The following SERPINB12 variants were observed in gnomAD, a reference collection of about 807,000 sequenced individuals.
The protein encoded by SERPINB12 is serpin family B member 12, also known as serpin B12.
A neutral mutation model predicts 41.1 loss-of-function variants in SERPINB12; 57 were observed. That is an observed-to-expected ratio of 1.39 (90% CI 1.12 to 1.73). The LOEUF is 1.73. Ranked by LOEUF, SERPINB12 falls within the 40% of genes most tolerant of loss-of-function variation. SERPINB12 has a pLI of 0.00. For missense variants in SERPINB12, 536 were observed against 501.9 expected (o/e 1.07, Z -0.65); for synonymous variants, 180 against 181.3 (o/e 0.99, Z 0.06).
At chr18:63,558,331 C>CT in intron 2 of SERPINB12, 21 bp from the exon 3 acceptor site, 1 of 1,605,078 alleles carries the variant, frequency 6.2e-7, no homozygotes, top group Non-Finnish European at 8.5e-7. Flanking sequence ...ATCTGAAAGA[C>CT]CCCATCCCGT....
At chr18:63,563,800 G>A (rs1421386890) in intron 5 of SERPINB12, among the ~76,000 whole-genome samples, 178 bp from the exon 6 acceptor site, 3 of 151,976 alleles carry the variant, frequency 2.0e-5, no homozygotes, top group Admixed American at 1.3e-4. Context: ...GGCGGCTGAG[G>A]CAGGAGAATC....
chr18:63,541,616 A>G (rs138274053), upstream of SERPINB12, among the ~76,000 whole-genome samples: 1 of 152,304 alleles, frequency 6.6e-6, no homozygotes, highest in African/African-American at 2.4e-5. Flanking sequence ...ATGATAGGTA[A>G]TATCTAGTGA....
the SERPINB12 span, among the ~76,000 whole-genome samples, chr18:63,520,814 A>C: frequency 6.6e-6 from 1 of 152,214 alleles, no homozygotes; most frequent in African/African-American, 2.4e-5. Flanking sequence ...AGGCCATTCT[A>C]CAAGACAAAT....
At position 63,565,378 on chromosome 18, in the gene SERPINB12, G is replaced by A. The variant is rs1015442867; in HGVS notation, c.706-67G>A. On this transcript the variant is annotated intron_variant, in intron 6 of 7. Coordinates refer to ENST00000382768, the MANE Select transcript of SERPINB12 (RefSeq NM_001307928.2). ...TTTAGGAACCCCTGTCCTCCGTGAA[G>A]CTGGGGCCATATGAATTTGGGAGTT... The A allele has an allele frequency of 3.4e-6, 5 of 1,462,200 alleles. No individual in the cohort carries two copies. In the Admixed American group the frequency reaches 9.6e-5, roughly 28 times the overall value. 90.6% of individuals were successfully genotyped at this position (1,462,200 alleles called of 1,614,324 possible).
rs1267666946 is a variant in SERPINB12, at chr18:63,567,294, T to G, written c.*283T>G. 1.3e-5 allele frequency among the ~76,000 whole-genome samples: 2 copies of G among 152,164 alleles called. No homozygotes were observed. Among genetic ancestry groups the G allele is most frequent in the African/African-American group, 4.8e-5 (2 of 41,432 alleles). ...ACAATTCAGAACAGTACCTACCTCCTTTTGAAGGAATCCTAAAAGTTCAGG... is the reference window on the plus strand; with the variant it reads ...ACAATTCAGAACAGTACCTACCTCCGTTTGAAGGAATCCTAAAAGTTCAGG... On this transcript the variant is annotated 3_prime_UTR_variant, in exon 8 of 8. Coordinates refer to ENST00000382768, the MANE Select transcript of SERPINB12 (RefSeq NM_001307928.2).
At chr18:63,560,176 G>A (rs1486902959) in intron 4 of SERPINB12, among the ~76,000 whole-genome samples, 1 of 152,160 alleles carries the variant, frequency 6.6e-6, no homozygotes, top group Non-Finnish European at 1.5e-5. Context: ...GAGTGGGGTA[G>A]CAGGAGGAGA....
At position 63,556,465 on chromosome 18, in the gene SERPINB12, T is replaced by C. The variant is rs151091872; in HGVS notation, c.168+138T>C. 7.3e-5 allele frequency: 45 copies of C among 616,026 alleles called. No homozygotes were observed. In the African/African-American group the frequency reaches 7.9e-4, roughly 11 times the overall value. 38.2% of individuals were successfully genotyped at this position (616,026 alleles called of 1,614,324 possible). A position where few individuals can be genotyped will look rare whatever the true frequency, so the allele number is the denominator to read the frequency against. On this transcript the variant is annotated intron_variant, in intron 2 of 7. Transcript: ENST00000382768. The stretch of plus-strand genomic sequence containing the variant: ...CAGAACCCATCCCTGTCTCTGAGTC[T>C]TTATTTGTATTTTCTCCATCTTACT...
chr18:63,534,039 A>G, the SERPINB12 span, among the ~76,000 whole-genome samples: 1 of 152,342 alleles, frequency 6.6e-6, no homozygotes, highest in East Asian at 1.9e-4. Flanking sequence ...TGAAATCACA[A>G]TGACACATCC....
At chr18:63,561,396 G>A (rs533014829) in intron 5 of SERPINB12, among the ~76,000 whole-genome samples, 194 bp downstream of exon 5, 3 of 152,130 alleles carry the variant, frequency 2.0e-5, no homozygotes, top group African/African-American at 4.8e-5. Context: ...GTTAAAAAAC[G>A]ACAGATTCTG....
chr18:63,539,961 TG>T (rs1910242601), upstream of SERPINB12, among the ~76,000 whole-genome samples: 1 of 152,006 alleles, frequency 6.6e-6, no homozygotes, highest in South Asian at 2.1e-4. Context: ...GAATTGCAAT[TG>T]GGTGCTAGAG....
the SERPINB12 span, among the ~76,000 whole-genome samples, chr18:63,519,266 C>A: frequency 1.3e-5 from 2 of 152,160 alleles, no homozygotes; most frequent in African/African-American, 2.4e-5. Context: ...ACAGGGACCA[C>A]CCTAGTTTAG....
At chr18:63,559,226 T>C (rs1910816073) in intron 3 of SERPINB12, among the ~76,000 whole-genome samples, 1 of 151,874 alleles carries the variant, frequency 6.6e-6, no homozygotes, top group South Asian at 2.1e-4. Context: ...TGCCTCAGCC[T>C]CCAGAGTAGC....
the SERPINB12 span, among the ~76,000 whole-genome samples, chr18:63,527,624 G>T: frequency 1.3e-5 from 2 of 152,056 alleles, no homozygotes; most frequent in Admixed American, 1.3e-4. Context: ...GAAGTTTAAG[G>T]GTTTTAGTGG....
chr18:63,551,133 G>T (rs1910516624), intron 1 of SERPINB12, among the ~76,000 whole-genome samples: 1 of 151,858 alleles, frequency 6.6e-6, no homozygotes, highest in Non-Finnish European at 1.5e-5. Context: ...GCCGGTTGTA[G>T]TGGTGGGCGC....
chr18:63,558,552 T>C, intron 3 of SERPINB12, 66 bp downstream of exon 3: 1 of 1,510,582 alleles, frequency 6.6e-7, no homozygotes. Context: ...GGCTGTAGGA[T>C]ATTTGGTGAT....
At chr18:63,532,468 G>T in the SERPINB12 span, among the ~76,000 whole-genome samples, 1 of 152,150 alleles carries the variant, frequency 6.6e-6, no homozygotes, top group African/African-American at 2.4e-5. Context: ...GAATGTTGGG[G>T]GTTTGGGGTA....
the SERPINB12 span, among the ~76,000 whole-genome samples, chr18:63,519,470 A>G: frequency 3.9e-5 from 6 of 152,174 alleles, no homozygotes; most frequent in Non-Finnish European, 8.8e-5. Context: ...TTTGATCCTC[A>G]CTTTGTTTCT....
Position 63,566,852 on chromosome 18 carries a change from T to A in SERPINB12, c.1119T>A (p.Asp373Glu), listed in dbSNP as rs61761879. The change falls in exon 8 of 8, where the codon GAT (aspartate) becomes GAA (glutamate). Residue 373 changes from aspartate (D) to glutamate (E), a missense_variant. Transcript: ENST00000382768. ...TCCACAAAACCTTTGTGGAGGTGGA[T>A]GAAAACGGTACCCAGGCAGCTGCAG... ...KIIHKTFVEVDENGTQAAAAT... is the reference protein window; with the variant it reads ...KIIHKTFVEVEENGTQAAAAT... The A allele has an allele frequency of 5.0e-6, 8 of 1,614,068 alleles. No homozygotes were observed. Among genetic ancestry groups the A allele is most frequent in the Non-Finnish European group, 6.8e-6 (8 of 1,180,020 alleles).
chr18:63,559,066 C>CTCT (rs1555675648), intron 3 of SERPINB12, among the ~76,000 whole-genome samples: 5 of 99,496 alleles, frequency 5.0e-5, no homozygotes, highest in Non-Finnish European at 6.1e-5. Flanking sequence ...TTCTCTCCTT[C>CTCT]TTCTCTCCTT....
Sources: allele counts gnomAD v4.1 joint callset (sites outside exome capture counted in the v4.1 genomes callset), GRCh38; gene constraint gnomAD v4.1.1; transcripts MANE v1.5; gene names NCBI Gene and HGNC (gene_info 2026-07-23, HGNC 2026-07-21).